PARP9: variants seen among roughly 807,000 people sequenced by gnomAD.
PARP9 encodes the protein poly(ADP-ribose) polymerase family member 9, also known as protein mono-ADP-ribosyltransferase PARP9.
In PARP9, 48 loss-of-function variants were observed where a neutral mutation model predicts 68.8. That is an observed-to-expected ratio of 0.70 (90% CI 0.55 to 0.89). The LOEUF (loss-of-function observed/expected upper bound fraction) is 0.89. Ranked by LOEUF, PARP9 falls within the 40% of genes least tolerant of loss-of-function variation. The pLI is 0.00. For missense variants in PARP9, 806 were observed against 969.3 expected (o/e 0.83, Z 2.24); for synonymous variants, 309 against 333.8 (o/e 0.93, Z 0.81).
chr3:122,531,933 T>C (rs1367921141), intron 10 of PARP9: 2 of 155,402 alleles, frequency 1.3e-5, no homozygotes, highest in African/African-American at 2.4e-5. Flanking sequence ...ACTAGAGCTC[T>C]TGGGGGAGCT....
At chr3:122,544,592 A>G (rs1367783451) in intron 7 of PARP9, among the ~76,000 whole-genome samples, 2 of 152,142 alleles carry the variant, frequency 1.3e-5, no homozygotes, top group Non-Finnish European at 2.9e-5. Context: ...GGAGGCAGGC[A>G]GATCACTTGA....
chr3:122,551,463 G>A (rs939662722), intron 5 of PARP9, among the ~76,000 whole-genome samples: 1 of 151,934 alleles, frequency 6.6e-6, no homozygotes, highest in Non-Finnish European at 1.5e-5. Flanking sequence ...CATCTGAGTG[G>A]GTTCCTCCTA....
chr3:122,546,993 TATATATATATATATATATATAC>T lies in PARP9; in HGVS notation c.1327-1526_1327-1505del, dbSNP rs1188960664. ...CTATATATATATATATATATATATA[TATATATATATATATATATATAC>T]ACACACACACATACACACACATATA... On this transcript the variant is annotated intron_variant, in intron 6 of 10. Coordinates refer to ENST00000682323, the MANE Select transcript of PARP9 (RefSeq NM_001146105.2). Among the ~76,000 whole-genome samples, 605 of 112,294 alleles carry T rather than the reference TATATATATATATATATATATAC, an allele frequency of 5.4e-3. 12 individuals carry two copies. Among genetic ancestry groups the T allele is most frequent in the African/African-American group, 0.019 (523 of 27,754 alleles). 73.7% of individuals were successfully genotyped at this position (112,294 alleles called of 152,430 possible).
Position 122,556,101 on chromosome 3 carries a change from T to G in PARP9, c.70A>C (p.Asn24His). 1 of 1,492,966 alleles carries G rather than the reference T, an allele frequency of 6.7e-7. No homozygotes were observed. Among genetic ancestry groups the G allele is most frequent in the Non-Finnish European group, 9.0e-7 (1 of 1,105,642 alleles). The allele number at this position is 1,492,966 out of a possible 1,614,324, so 92.5% of individuals were successfully genotyped here. Residue 24 changes from asparagine to histidine, a missense_variant, in exon 4 of 11, where the codon AAC (asparagine) becomes CAC (histidine). Coordinates refer to ENST00000682323, the MANE Select transcript of PARP9 (RefSeq NM_001146105.2). ...EKSETGALGE[N>H]YSWQIPINHN... ...TTAATGGGAATTTGCCAACTATAGT[T>G]TTCTCCAAGAGCACCAGTCTCTGGA... is the stretch of plus-strand genomic sequence containing the variant.
At chr3:122,531,760 G>A (rs1057487827) in intron 10 of PARP9, 1 of 151,500 alleles carries the variant, frequency 6.6e-6, no homozygotes, top group Admixed American at 6.6e-5. Context: ...AAAACCAGAA[G>A]GATTCAGAGC....
chr3:122,561,876 T>C lies in PARP9; in HGVS notation c.-89-2167A>G, dbSNP rs147767448. The stretch of plus-strand genomic sequence containing the variant: ...CTGGAGGTCTCACAGTCCCCTCAAA[T>C]TAGCCTCTGCAAAAGTAGACCTCTT... On this transcript the variant is annotated intron_variant, in intron 1 of 10. Coordinates refer to ENST00000682323, the MANE Select transcript of PARP9 (RefSeq NM_001146105.2). Among the ~76,000 whole-genome samples, 392 of 152,260 alleles carry C rather than the reference T, an allele frequency of 2.6e-3. 5 individuals carry two copies. Among genetic ancestry groups the C allele is most frequent in the East Asian group, 1.4e-3 (7 of 5,178 alleles).
At chr3:122,533,746 C>T (rs984470971) in intron 10 of PARP9, 1 of 984,032 alleles carries the variant, frequency 1.0e-6, no homozygotes, top group Non-Finnish European at 1.2e-6. Context: ...TCAACCAAGT[C>T]CTACAAGCAA....
intron 7 of PARP9, among the ~76,000 whole-genome samples, chr3:122,541,485 G>A (rs1403569574): frequency 1.3e-5 from 2 of 152,162 alleles, no homozygotes; most frequent in Non-Finnish European, 2.9e-5. Context: ...ATTTCCTGCT[G>A]AATAGGATTT....
In PARP9 at chr3:122,528,382, A is replaced by G; in HGVS notation, c.2442T>C (p.Ser814=). Reference sequence around the variant, plus strand: ...GTAGAGATTAATCAACAGGGCTGCCACTTGCGAATCCCCTCCAAGGATGCT... The same window carrying G: ...GTAGAGATTAATCAACAGGGCTGCCGCTTGCGAATCCCCTCCAAGGATGCT... ...FAQHPWRGFA[S]GSPVD is the part of the protein sequence containing the mutation. The change falls in exon 11 of 11, where the codon AGT becomes AGC. Residue 814 remains serine (S), a synonymous_variant. Coordinates refer to ENST00000682323, the MANE Select transcript of PARP9 (RefSeq NM_001146105.2). The G allele has an allele frequency of 6.2e-7, 1 of 1,613,582 alleles. No homozygotes were observed. Among genetic ancestry groups the G allele is most frequent in the Non-Finnish European group, 8.5e-7 (1 of 1,179,540 alleles).
chr3:122,535,964 C>G (rs1449168298), intron 10 of PARP9: 4 of 1,447,316 alleles, frequency 2.8e-6, no homozygotes, highest in South Asian at 3.0e-5. Flanking sequence ...TAAAATGCAT[C>G]AGCAACAAAA....
chr3:122,533,630 A>G (rs1308869463), intron 10 of PARP9: 1 of 916,556 alleles, frequency 1.1e-6, no homozygotes, highest in Non-Finnish European at 1.3e-6. Context: ...TATTTCTAGT[A>G]CCCCTAGCAC....
At chr3:122,544,075 C>T (rs757472081) in intron 7 of PARP9, among the ~76,000 whole-genome samples, 17 of 152,222 alleles carry the variant, frequency 1.1e-4, no homozygotes, top group Non-Finnish European at 2.1e-4. Context: ...TAAAACTCCT[C>T]TTATGTACCC....
chr3:122,532,474 A>G (rs1204607669), intron 10 of PARP9: 2 of 960,318 alleles, frequency 2.1e-6, no homozygotes, highest in African/African-American at 3.5e-5. Flanking sequence ...TGAAGGGACT[A>G]TGAAAACTCT....
At chr3:122,554,425 T>C (rs1194994674) in intron 4 of PARP9, among the ~76,000 whole-genome samples, 1 of 152,220 alleles carries the variant, frequency 6.6e-6, no homozygotes, top group Non-Finnish European at 1.5e-5. Context: ...ATAAAGAATA[T>C]TTTTATAATA....
At chr3:122,539,439 T>C (rs547564574) in intron 8 of PARP9, among the ~76,000 whole-genome samples, 1 of 152,360 alleles carries the variant, frequency 6.6e-6, no homozygotes, top group Admixed American at 6.5e-5. Flanking sequence ...GCTTGGCACG[T>C]CATGGGTGCA....
At chr3:122,540,433 G>T in intron 8 of PARP9, 39 bp downstream of exon 8, 1 of 1,601,162 alleles carries the variant, frequency 6.2e-7, no homozygotes, top group Non-Finnish European at 8.5e-7. Context: ...AGAAACAATG[G>T]GGAGAATTTA....
chr3:122,529,753 C>CAA (rs1172329461), intron 10 of PARP9, among the ~76,000 whole-genome samples: 12 of 68,154 alleles, frequency 1.8e-4, no homozygotes, highest in Non-Finnish European at 2.1e-4. Context: ...GACTCCGTCC[C>CAA]AAAAAAAAAA....
intron 2 of PARP9, 134 bp from the exon 3 acceptor site, chr3:122,558,601 C>A: frequency 9.3e-7 from 1 of 1,072,278 alleles, no homozygotes; most frequent in Non-Finnish European, 1.3e-6. Context: ...GGGCAGGAAG[C>A]ATGTGTTTTT....
chr3:122,553,182 A>G (rs931489681), intron 4 of PARP9, among the ~76,000 whole-genome samples: 28 of 152,306 alleles, frequency 1.8e-4, no homozygotes, highest in African/African-American at 6.7e-4. Context: ...CTTCTTGGTC[A>G]GGTTCCCAGA....
Sources: allele counts gnomAD v4.1 joint callset (sites outside exome capture counted in the v4.1 genomes callset), GRCh38; gene constraint gnomAD v4.1.1; transcripts MANE v1.5; gene names NCBI Gene and HGNC (gene_info 2026-07-23, HGNC 2026-07-21).